RNF38: variants seen among roughly 807,000 people sequenced by gnomAD.
RNF38 encodes the protein ring finger protein 38, also known as E3 ubiquitin-protein ligase RNF38.
In RNF38, 15 loss-of-function variants were observed where a neutral mutation model predicts 67.2. That is an observed-to-expected ratio of 0.22 (90% CI 0.15 to 0.34). The LOEUF (loss-of-function observed/expected upper bound fraction) is 0.34. Ranked by LOEUF, RNF38 falls within the 10% of genes least tolerant of loss-of-function variation. RNF38 has a pLI of 1.00. For synonymous variants in RNF38, 220 were observed against 218.8 expected (o/e 1.01, Z -0.05); for missense variants, 524 against 639.9 (o/e 0.82, Z 1.95).
intron 2 of RNF38, among the ~76,000 whole-genome samples, chr9:36,413,366 G>C (rs1253096370): frequency 6.6e-6 from 1 of 152,048 alleles, no homozygotes; most frequent in African/African-American, 2.4e-5. Context: ...TTTGTATAAA[G>C]TCTGCAGAAC....
chr9:36,418,604 GGT>G (rs1227084954), intron 2 of RNF38, among the ~76,000 whole-genome samples: 1 of 151,986 alleles, frequency 6.6e-6, no homozygotes, highest in East Asian at 1.9e-4. Flanking sequence ...TGGCCAACAT[GGT>G]GAAACCCTAT....
chr9:36,371,996 T>C (rs1051686164), intron 3 of RNF38, among the ~76,000 whole-genome samples: 1 of 151,296 alleles, frequency 6.6e-6, no homozygotes, highest in East Asian at 2.0e-4. Context: ...AGTGGCCCGA[T>C]CTCGGCTCAC....
intron 1 of RNF38, among the ~76,000 whole-genome samples, chr9:36,434,425 C>T (rs1213326816): frequency 6.6e-6 from 1 of 152,016 alleles, no homozygotes; most frequent in South Asian, 2.1e-4. Context: ...GCTCTTGTTG[C>T]CCAGGCTGGA....
chr9:36,400,272 CA>C, upstream of RNF38: 1 of 1,337,800 alleles, frequency 7.5e-7, no homozygotes, highest in Non-Finnish European at 9.6e-7. Flanking sequence ...AGAAGGACGC[CA>C]GAGAGGACCC....
intron 1 of RNF38, among the ~76,000 whole-genome samples, chr9:36,429,238 CCTT>C (rs1325933584): frequency 2.0e-5 from 3 of 152,208 alleles, no homozygotes; most frequent in Non-Finnish European, 4.4e-5. Flanking sequence ...AATCCCATTG[CCTT>C]CTTCTCTATC....
At chr9:36,480,002 G>A (rs979495641) in intron 1 of RNF38, among the ~76,000 whole-genome samples, 1 of 151,790 alleles carries the variant, frequency 6.6e-6, no homozygotes, top group Non-Finnish European at 1.5e-5. Context: ...TTTTTGAGAT[G>A]GAGTCTCACT....
At chr9:36,472,176 A>T (rs1281914950) in intron 1 of RNF38, among the ~76,000 whole-genome samples, 5 of 152,232 alleles carry the variant, frequency 3.3e-5, no homozygotes, top group Non-Finnish European at 2.9e-5. Flanking sequence ...CAAACATATC[A>T]ATCTCTAGAT....
chr9:36,430,361 C>A (rs1482384636), intron 1 of RNF38, among the ~76,000 whole-genome samples: 1 of 152,148 alleles, frequency 6.6e-6, no homozygotes, highest in Non-Finnish European at 1.5e-5. Flanking sequence ...CATGCGCCAC[C>A]ACGCCTGGCT....
intron 1 of RNF38, among the ~76,000 whole-genome samples, chr9:36,457,218 C>G (rs1106275): frequency 1.6e-4 from 24 of 151,926 alleles, no homozygotes; most frequent in African/African-American, 5.3e-4. Context: ...TTACCAAACA[C>G]GAAGGCACTG....
At chr9:36,450,793 A>G (rs1411992888) in intron 1 of RNF38, among the ~76,000 whole-genome samples, 1 of 152,208 alleles carries the variant, frequency 6.6e-6, no homozygotes, top group Non-Finnish European at 1.5e-5. Context: ...TCATGCCTGT[A>G]ATCCCAGCTA....
intron 9 of RNF38, among the ~76,000 whole-genome samples, chr9:36,349,063 C>T (rs1169303446): frequency 2.0e-5 from 3 of 152,140 alleles, no homozygotes; most frequent in Non-Finnish European, 4.4e-5. Context: ...TCTACACTGC[C>T]CAATAATAAA....
At chr9:36,415,075 T>C (rs1322121646) in intron 2 of RNF38, among the ~76,000 whole-genome samples, 1 of 152,220 alleles carries the variant, frequency 6.6e-6, no homozygotes, top group Admixed American at 6.5e-5. Flanking sequence ...TTTCTCGTAT[T>C]TGGATGTATA....
intron 1 of RNF38, among the ~76,000 whole-genome samples, chr9:36,474,479 C>T (rs966852667): frequency 1.3e-5 from 2 of 148,384 alleles, no homozygotes; most frequent in East Asian, 2.2e-4. Flanking sequence ...GCTGTGTTTT[C>T]GGAGGCTATC....
chr9:36,400,637 C>T (rs1490332658), upstream of RNF38: 19 of 985,664 alleles, frequency 1.9e-5, no homozygotes, highest in Non-Finnish European at 2.0e-5. Flanking sequence ...GCTCGCCCAG[C>T]CCGCGGCCAG....
intron 11 of RNF38, among the ~76,000 whole-genome samples, chr9:36,341,904 C>T (rs1832880942): frequency 9.1e-6 from 1 of 110,108 alleles, no homozygotes; most frequent in African/African-American, 3.3e-5. Flanking sequence ...GGCATAGCCA[C>T]TCTTAGGATT....
chr9:36,447,990 A>T (rs1231944523), intron 1 of RNF38, among the ~76,000 whole-genome samples: 2 of 152,250 alleles, frequency 1.3e-5, no homozygotes, highest in Non-Finnish European at 2.9e-5. Context: ...GCAATTCATC[A>T]CTGTAATATT....
intron 10 of RNF38, among the ~76,000 whole-genome samples, chr9:36,343,187 G>C (rs1832972842): frequency 6.6e-6 from 1 of 152,110 alleles, no homozygotes; most frequent in Non-Finnish European, 1.5e-5. Flanking sequence ...GTTGAATACA[G>C]AGGGCTTAGT....
chr9:36,425,293 A>T (rs550850234), intron 1 of RNF38, among the ~76,000 whole-genome samples: 22 of 152,232 alleles, frequency 1.4e-4, no homozygotes, highest in South Asian at 2.1e-4. Flanking sequence ...CATTTTTTTT[A>T]AAAAAAGTTT....
intron 3 of RNF38, among the ~76,000 whole-genome samples, chr9:36,374,101 T>C (rs966435113): frequency 6.6e-6 from 1 of 152,226 alleles, no homozygotes; most frequent in Admixed American, 6.5e-5. Flanking sequence ...TTATATTTAA[T>C]AGCTATAAAA....
Sources: allele counts gnomAD v4.1 joint callset (sites outside exome capture counted in the v4.1 genomes callset), GRCh38; gene constraint gnomAD v4.1.1; transcripts MANE v1.5; gene names NCBI Gene and HGNC (gene_info 2026-07-23, HGNC 2026-07-21).